HECW2: variants seen among roughly 807,000 people sequenced by gnomAD.
HECW2 encodes the protein HECT, C2 and WW domain containing E3 ubiquitin protein ligase 2.
In HECW2, 61 loss-of-function variants were observed where a neutral mutation model predicts 175.2. The ratio of observed to expected loss-of-function variants is 0.35; its 90% CI spans 0.28 to 0.43. The LOEUF is 0.43. Among genes scored for constraint, HECW2 ranks in the 20% least tolerant of loss-of-function variants. HECW2 has a pLI of 1.00. For synonymous variants in HECW2, 671 were observed against 731.0 expected, an observed-to-expected ratio of 0.92 and a Z score of 1.32; for missense variants, 1,524 against 2,000.5, an observed-to-expected ratio of 0.76 and a Z score of 4.54.
At chr2:196,246,004 T>C (rs1345776961) in intron 19 of HECW2, among the ~76,000 whole-genome samples, 1 of 152,208 alleles carries the variant, frequency 6.6e-6, no homozygotes, top group Non-Finnish European at 1.5e-5. Context: ...CAATGTGTAA[T>C]GTGTAGCTAT....
intron 10 of HECW2, among the ~76,000 whole-genome samples, chr2:196,312,875 T>C (rs75346222): frequency 1.7e-4 from 26 of 152,328 alleles, no homozygotes; most frequent in African/African-American, 6.0e-4. Context: ...ATAGTAGAAA[T>C]TCTAAGTTTA....
At chr2:196,312,296 T>C (rs1691527254) in intron 10 of HECW2, among the ~76,000 whole-genome samples, 2 of 152,146 alleles carry the variant, frequency 1.3e-5, no homozygotes, top group South Asian at 4.1e-4. Context: ...TTGGATTTAG[T>C]AAAATCAAGC....
At chr2:196,466,035 T>A (rs926889479) in intron 1 of HECW2, among the ~76,000 whole-genome samples, 3 of 152,234 alleles carry the variant, frequency 2.0e-5, no homozygotes, top group African/African-American at 7.2e-5. Flanking sequence ...ACAGACTGGC[T>A]GTTAAGAATA....
At chr2:196,214,696 A>C (rs1687409093) in intron 28 of HECW2, among the ~76,000 whole-genome samples, 1 of 152,158 alleles carries the variant, frequency 6.6e-6, no homozygotes, top group Admixed American at 6.5e-5. Context: ...GCTCAGGCAA[A>C]CCCTTGAGCA....
intron 27 of HECW2, among the ~76,000 whole-genome samples, chr2:196,216,691 G>A (rs1371083476): frequency 1.3e-5 from 2 of 152,138 alleles, no homozygotes; most frequent in Non-Finnish European, 2.9e-5. Context: ...AGGGATGCCG[G>A]CCTGCACTTT....
chr2:196,462,555 A>G (rs1190412356), intron 1 of HECW2, among the ~76,000 whole-genome samples: 2 of 152,156 alleles, frequency 1.3e-5, no homozygotes, highest in African/African-American at 4.8e-5. Flanking sequence ...CAGAAACATA[A>G]CCAAAACAGG....
chr2:196,460,819 C>T (rs1696715405), intron 1 of HECW2, among the ~76,000 whole-genome samples: 3 of 129,060 alleles, frequency 2.3e-5, no homozygotes, highest in South Asian at 5.5e-4. Flanking sequence ...GAGATAGGCT[C>T]TCACTATGTT....
At chr2:196,429,818 G>A (rs1695655895) in intron 2 of HECW2, among the ~76,000 whole-genome samples, 1 of 152,118 alleles carries the variant, frequency 6.6e-6, no homozygotes, top group Non-Finnish European at 1.5e-5. Context: ...CAGGGCCCTG[G>A]AAAGAAAAGA....
At chr2:196,380,257 T>C (rs1441662994) in intron 2 of HECW2, among the ~76,000 whole-genome samples, 1 of 152,216 alleles carries the variant, frequency 6.6e-6, no homozygotes, top group African/African-American at 2.4e-5. Context: ...GGAACACTCC[T>C]TCAGTACTCT....
intron 1 of HECW2, among the ~76,000 whole-genome samples, chr2:196,484,795 C>A (rs891592441): frequency 1.2e-4 from 19 of 152,304 alleles, no homozygotes; most frequent in Admixed American, 5.9e-4. Context: ...CATGCCAAAT[C>A]ACAGAGGACT....
At chr2:196,348,358 T>C (rs1446580130) in intron 2 of HECW2, among the ~76,000 whole-genome samples, 2 of 152,106 alleles carry the variant, frequency 1.3e-5, no homozygotes, top group Non-Finnish European at 2.9e-5. Flanking sequence ...AGAACAATAG[T>C]GGGCCCAGGT....
At chr2:196,445,070 T>G (rs1435100582) in intron 1 of HECW2, among the ~76,000 whole-genome samples, 6 of 152,212 alleles carry the variant, frequency 3.9e-5, no homozygotes, top group Non-Finnish European at 5.9e-5. Flanking sequence ...GAAGGCAACA[T>G]TCCTATATGT....
chr2:196,389,917 C>T (rs888075754), intron 2 of HECW2, among the ~76,000 whole-genome samples: 2 of 152,104 alleles, frequency 1.3e-5, no homozygotes, highest in Non-Finnish European at 2.9e-5. Context: ...ACTGGATGGA[C>T]ACTACAAAGG....
chr2:196,386,914 C>G (rs1694367147), intron 2 of HECW2, among the ~76,000 whole-genome samples: 1 of 152,144 alleles, frequency 6.6e-6, no homozygotes, highest in Non-Finnish European at 1.5e-5. Context: ...AACTAAATCA[C>G]AAGGCTTGTT....
At chr2:196,493,865 T>C (rs1687289943) in intron 1 of HECW2, among the ~76,000 whole-genome samples, 1 of 152,186 alleles carries the variant, frequency 6.6e-6, no homozygotes, top group Non-Finnish European at 1.5e-5. Flanking sequence ...ATCTACTGAG[T>C]GACTATTCAG....
At chr2:196,443,081 G>A (rs1342858256) in intron 1 of HECW2, among the ~76,000 whole-genome samples, 1 of 152,076 alleles carries the variant, frequency 6.6e-6, no homozygotes, top group African/African-American at 2.4e-5. Flanking sequence ...CTAAACATCC[G>A]TCCTTTCTCC....
At chr2:196,201,452 GTGTGTGT>G in intron 28 of HECW2, 64 bp from the exon 29 acceptor site, 1 of 924,306 alleles carries the variant, frequency 1.1e-6, no homozygotes, top group Non-Finnish European at 1.7e-6. Flanking sequence ...TGTGTGTGGT[GTGTGTGT>G]GTGTGTGTGT....
intron 1 of HECW2, among the ~76,000 whole-genome samples, chr2:196,581,219 A>C (rs1201390228): frequency 6.6e-6 from 1 of 152,206 alleles, no homozygotes; most frequent in Non-Finnish European, 1.5e-5. Context: ...TGATGGTTGC[A>C]TACTGTTGTG....
intron 2 of HECW2, among the ~76,000 whole-genome samples, chr2:196,384,346 C>T (rs550006368): frequency 1.2e-4 from 18 of 152,044 alleles, no homozygotes; most frequent in African/African-American, 2.9e-4. Context: ...TTTGGGAGGC[C>T]GAGGCAGGAG....
Sources: gnomAD v4.1 joint callset for allele counts (sites outside exome capture counted in the v4.1 genomes callset) on GRCh38, gnomAD v4.1.1 for gene constraint, MANE v1.5 for transcripts, NCBI Gene and HGNC (gene_info 2026-07-23, HGNC 2026-07-21) for gene names.